Variants in RIGI observed in about 807,000 individuals in gnomAD.
RIGI encodes the protein RNA sensor RIG-I, also known as antiviral innate immune response receptor RIG-I.
chr9:32,491,264 A>G, the RIGI span: 9 of 1,607,992 alleles, frequency 5.6e-6, no homozygotes, highest in Non-Finnish European at 7.6e-6. Flanking sequence ...ATACCAGAAG[A>G]GCACCATTAT....
At chr9:32,491,244 C>T in the RIGI span, 2 of 1,590,204 alleles carry the variant, frequency 1.3e-6, no homozygotes, top group South Asian at 1.2e-5. Flanking sequence ...AAAACAAGCC[C>T]CCACACCAAA....
chr9:32,457,253 C>T, the RIGI span: 1 of 1,614,170 alleles, frequency 6.2e-7, no homozygotes, highest in Non-Finnish European at 8.5e-7. Context: ...ACTGGAATCT[C>T]AAATGTCTTG....
the RIGI span, among the ~76,000 whole-genome samples, chr9:32,524,332 AAATC>A: frequency 6.6e-6 from 1 of 152,176 alleles, no homozygotes; most frequent in African/African-American, 2.4e-5. Context: ...AAAGTGTATC[AAATC>A]AATATATGAG....
the RIGI span, among the ~76,000 whole-genome samples, chr9:32,520,483 A>G: frequency 1.3e-5 from 2 of 152,166 alleles, no homozygotes; most frequent in East Asian, 1.9e-4. Flanking sequence ...CTAAATCTTG[A>G]GCACTGACAC....
chr9:32,476,956 T>G, the RIGI span: 2 of 1,591,216 alleles, frequency 1.3e-6, no homozygotes, highest in Non-Finnish European at 1.7e-6. Flanking sequence ...GGTCCATTTG[T>G]TATCTACAAG....
chr9:32,471,639 C>G, the RIGI span, among the ~76,000 whole-genome samples: 2,344 of 152,280 alleles, frequency 0.015, 80 homozygotes, highest in African/African-American at 0.055. Context: ...GGCTACATGG[C>G]AGAAGCACAA....
the RIGI span, among the ~76,000 whole-genome samples, chr9:32,466,051 G>A: frequency 6.6e-6 from 1 of 152,166 alleles, no homozygotes; most frequent in African/African-American, 2.4e-5. Flanking sequence ...CTGTCAACTA[G>A]AGAAATCCTA....
chr9:32,489,731 C>T, the RIGI span, among the ~76,000 whole-genome samples: 1 of 151,826 alleles, frequency 6.6e-6, no homozygotes, highest in Non-Finnish European at 1.5e-5. Context: ...GAAAGAATGG[C>T]CCCATTCAGG....
At chr9:32,522,940 G>A in the RIGI span, among the ~76,000 whole-genome samples, 1 of 152,084 alleles carries the variant, frequency 6.6e-6, no homozygotes, top group Non-Finnish European at 1.5e-5. Context: ...TCCTTCCCCA[G>A]GAAAAGGACC....
At chr9:32,519,848 A>G in the RIGI span, among the ~76,000 whole-genome samples, 1 of 152,200 alleles carries the variant, frequency 6.6e-6, no homozygotes, top group African/African-American at 2.4e-5. Context: ...TAAGCCATTT[A>G]TCACTGATGG....
the RIGI span, among the ~76,000 whole-genome samples, chr9:32,516,588 G>C: frequency 6.6e-6 from 1 of 152,164 alleles, no homozygotes; most frequent in African/African-American, 2.4e-5. Flanking sequence ...TGTGACACTG[G>C]CATCTGGATA....
chr9:32,500,663 TA>T, the RIGI span: 2 of 1,007,794 alleles, frequency 2.0e-6, no homozygotes, highest in Non-Finnish European at 2.8e-6. Flanking sequence ...ATCATCTGCC[TA>T]AAAACAGTCT....
At chr9:32,469,023 T>G in the RIGI span, among the ~76,000 whole-genome samples, 8 of 152,182 alleles carry the variant, frequency 5.3e-5, no homozygotes, top group African/African-American at 1.9e-4. Flanking sequence ...AAATTGTCCA[T>G]GTTCTTGTTA....
the RIGI span, among the ~76,000 whole-genome samples, chr9:32,486,045 G>T: frequency 6.6e-6 from 1 of 152,152 alleles, no homozygotes; most frequent in Non-Finnish European, 1.5e-5. Context: ...AATGTGCCAT[G>T]CTTTGATTAT....
At chr9:32,470,857 T>G in the RIGI span, among the ~76,000 whole-genome samples, 1 of 152,244 alleles carries the variant, frequency 6.6e-6, no homozygotes, top group Admixed American at 6.5e-5. Context: ...CTTAATTTAC[T>G]GGTAAATCAA....
chr9:32,521,765 T>A, the RIGI span, among the ~76,000 whole-genome samples: 2,252 of 152,244 alleles, frequency 0.015, 73 homozygotes, highest in African/African-American at 0.052. Flanking sequence ...TGCAGGACTA[T>A]ATGAGATTCC....
the RIGI span, chr9:32,493,810 G>A: frequency 6.2e-7 from 1 of 1,610,186 alleles, no homozygotes; most frequent in Non-Finnish European, 8.5e-7. Flanking sequence ...AGACAGATCA[G>A]AAATGATATC....
chr9:32,492,702 C>T, the RIGI span, among the ~76,000 whole-genome samples: 11 of 152,186 alleles, frequency 7.2e-5, no homozygotes, highest in Admixed American at 2.0e-4. Flanking sequence ...CCAACACAGT[C>T]TTTTAAGATA....
the RIGI span, among the ~76,000 whole-genome samples, chr9:32,515,544 G>C: frequency 6.6e-6 from 1 of 152,004 alleles, no homozygotes; most frequent in East Asian, 1.9e-4. Flanking sequence ...AAATTGTATA[G>C]ACTGGATTTG....
Sources: gnomAD v4.1 joint callset for allele counts (sites outside exome capture counted in the v4.1 genomes callset) on GRCh38, gnomAD v4.1.1 for gene constraint, MANE v1.5 for transcripts, NCBI Gene and HGNC (gene_info 2026-07-23, HGNC 2026-07-21) for gene names.